HOXB4: variants seen among roughly 807,000 people sequenced by gnomAD.
HOXB4 encodes the protein homeobox protein Hox-B4.
In HOXB4, 13 loss-of-function variants were observed where a neutral mutation model predicts 20.0. That is an observed-to-expected ratio of 0.65 (90% CI 0.42 to 1.03). The LOEUF is 1.03. Ranked by LOEUF, HOXB4 falls within the 50% of genes least tolerant of loss-of-function variation. The probability of loss-of-function intolerance (pLI) is 0.00; values close to 1 mark genes in which losing one functional copy is unlikely to be tolerated. For missense variants in HOXB4, 343 were observed against 357.1 expected (o/e 0.96, Z 0.32); for synonymous variants, 173 against 148.9 (o/e 1.16, Z -1.18).
At chr17:48,577,041 G>C (rs1231747454) in intron 1 of HOXB4, 21 bp from the exon 2 acceptor site, 1 of 1,545,952 alleles carries the variant, frequency 6.5e-7, no homozygotes, top group East Asian at 2.3e-5. Context: ...ACGGAGAGAG[G>C]GAGAAAGAGA....
At chr17:48,577,042 G>A (rs764016180) in intron 1 of HOXB4, 22 bp from the exon 2 acceptor site, 1 of 1,542,698 alleles carries the variant, frequency 6.5e-7, no homozygotes, top group South Asian at 1.2e-5. Context: ...CGGAGAGAGG[G>A]AGAAAGAGAA....
rs2069762697 is a variant in HOXB4, at chr17:48,576,395, C to T, written c.*327G>A. ...GATCCATCTTCGCCAAAGCTGAAAA[C>T]GAGGAGCTGCAGCCTCCTCCTATTT... On this transcript the variant is annotated 3_prime_UTR_variant, in exon 2 of 2. Coordinates refer to ENST00000332503, the MANE Select transcript of HOXB4 (RefSeq NM_024015.5). 4 of 230,920 alleles carry T rather than the reference C, an allele frequency of 1.7e-5. No individual in the cohort carries two copies. The highest frequency in any genetic ancestry group is 1.6e-4 in the Admixed American group (3 of 18,346). 14.3% of individuals were successfully genotyped at this position (230,920 alleles called of 1,614,324 possible).
intron 1 of HOXB4, among the ~76,000 whole-genome samples, chr17:48,577,398 T>G (rs2069802129): frequency 6.6e-6 from 1 of 152,234 alleles, no homozygotes; most frequent in Non-Finnish European, 1.5e-5. Context: ...CCACCCTTGC[T>G]GCTCAGATTC....
rs188952344 is a variant in HOXB4 at position 48,576,950 on chromosome 17, C to A, written c.528G>T (p.Glu176Asp). The A allele has an allele frequency of 6.2e-7, 1 of 1,614,152 alleles. No individual in the cohort carries two copies. The highest frequency in any genetic ancestry group is 8.5e-7 in the Non-Finnish European group (1 of 1,179,974). ...RTAYTRQQVLELEKEFHYNRY... is the reference protein window; with the variant it reads ...RTAYTRQQVLDLEKEFHYNRY... ...GGTTGTAGTGAAATTCCTTCTCCAG[C>A]TCCAAGACCTGCTGGCGCGTGTAGG... Residue 176 changes from glutamate to aspartate, a missense_variant, in exon 2 of 2, where the codon GAG (glutamate) becomes GAT (aspartate). By Grantham distance (45) the Glu-to-Asp change is conservative. This residue lies in a region of HOXB4 where 54 missense variants were observed against 90.3 expected (regional missense o/e 0.60). Coordinates refer to ENST00000332503, the MANE Select transcript of HOXB4 (RefSeq NM_024015.5).
Position 48,577,975 on chromosome 17 carries a change from G to C in HOXB4, c.345C>G (p.Ser115Arg), listed in dbSNP as rs2069822425. Residue 115 changes from serine to arginine, a missense_variant, in exon 1 of 2, where the codon AGC (serine) becomes AGG (arginine). By Grantham distance (110) the Ser-to-Arg change is moderately radical. This residue lies in a region of HOXB4 where 241 missense variants were observed against 222.0 expected (regional missense o/e 1.09). Coordinates refer to ENST00000332503, the MANE Select transcript of HOXB4 (RefSeq NM_024015.5). ...GGGCGCAGGGAGGCGGCGGGGGGCTGCTGCTGACCGCCTCGCAGCGCTGGC... is the reference window on the plus strand; with the variant it reads ...GGGCGCAGGGAGGCGGCGGGGGGCTCCTGCTGACCGCCTCGCAGCGCTGGC... ...EPGQRCEAVSSSPPPPPCAQN... is the reference protein window; with the variant it reads ...EPGQRCEAVSRSPPPPPCAQN... The C allele has an allele frequency of 8.4e-6, 11 of 1,309,848 alleles. No homozygotes were observed. The highest frequency in any genetic ancestry group is 1.1e-5 in the Non-Finnish European group (11 of 1,025,344). 81.1% of individuals were successfully genotyped at this position (1,309,848 alleles called of 1,614,324 possible). A position where few individuals can be genotyped will look rare whatever the true frequency, so the allele number is the denominator to read the frequency against.
chr17:48,577,928 G>A lies in HOXB4; in HGVS notation c.392C>T (p.Pro131Leu), dbSNP rs138158637. 2.6e-4 allele frequency: 350 copies of A among 1,364,392 alleles called. 1 individual carries two copies. The Middle Eastern group carries it at 4.7e-3, about 18-fold the overall frequency. The allele number at this position is 1,364,392 out of a possible 1,614,324, so 84.5% of individuals were successfully genotyped here. The change falls in exon 1 of 2, where the codon CCG (proline) becomes CTG (leucine). Residue 131 changes from proline (P) to leucine (L), a missense_variant. Coordinates refer to ENST00000332503, the MANE Select transcript of HOXB4 (RefSeq NM_024015.5). Reference sequence around the variant, plus strand: ...GGGCTCTTTGCACGCGGAGTGGGACGGGCTGGGGTGCAGGGGGTTCTGGGC... The same window carrying A: ...GGGCTCTTTGCACGCGGAGTGGGACAGGCTGGGGTGCAGGGGGTTCTGGGC... ...PCAQNPLHPS[P>L]SHSACKEPVV...
Position 48,577,946 on chromosome 17 carries a change from T to G in HOXB4, c.374A>C (p.Asn125Thr). The G allele has an allele frequency of 7.5e-7, 1 of 1,327,894 alleles. No homozygotes were observed. Among genetic ancestry groups the G allele is most frequent in the Non-Finnish European group, 9.7e-7 (1 of 1,032,812 alleles). 82.3% of individuals were successfully genotyped at this position (1,327,894 alleles called of 1,614,324 possible). The change falls in exon 1 of 2, where the codon AAC (asparagine) becomes ACC (threonine). Residue 125 changes from asparagine to threonine, a missense_variant. Transcript: ENST00000332503. ...SSPPPPPCAQ[N>T]PLHPSPSHSA... The stretch of plus-strand genomic sequence containing the variant: ...GTGGGACGGGCTGGGGTGCAGGGGG[T>G]TCTGGGCGCAGGGAGGCGGCGGGGG...
At chr17:48,577,311 TG>T (rs1297029953) in intron 1 of HOXB4, among the ~76,000 whole-genome samples, 1 of 152,056 alleles carries the variant, frequency 6.6e-6, no homozygotes, top group African/African-American at 2.4e-5. Context: ...CCCCTCAGCT[TG>T]GGGCCCCCAG....
At chr17:48,577,082 T>C (rs1227521572) in intron 1 of HOXB4, 62 bp from the exon 2 acceptor site, 14 of 1,469,524 alleles carry the variant, frequency 9.5e-6, no homozygotes, top group Admixed American at 6.5e-5. Flanking sequence ...GAGAGAGTCC[T>C]TTCTTCCAGG....
Position 48,576,577 on chromosome 17 carries a change from G to C in HOXB4, c.*145C>G. On this transcript the variant is annotated 3_prime_UTR_variant, in exon 2 of 2. Transcript: ENST00000332503. ...AAAGCTTCCCCTCCCCCTCTTCTGC[G>C]TTTATTCGTATATAAAGTGTGGGGG... The C allele has an allele frequency of 1.6e-6, 1 of 640,446 alleles. No homozygotes were observed. The allele number at this position is 640,446 out of a possible 1,614,324, so 39.7% of individuals were successfully genotyped here. A position where few individuals can be genotyped will look rare whatever the true frequency, so the allele number is the denominator to read the frequency against.
rs188347411 is a variant in HOXB4 at position 48,577,782 on chromosome 17, C to A, written c.457+81G>T. On this transcript the variant is annotated intron_variant, in intron 1 of 1. Coordinates refer to ENST00000332503, the MANE Select transcript of HOXB4 (RefSeq NM_024015.5). ...GGACAATTGGCTTCCCCAGCTCAAC[C>A]CCCCCCCAACCCATGCCTCCGAAGT... 5,592 of 1,227,964 alleles carry A rather than the reference C, an allele frequency of 4.6e-3. 178 individuals are homozygous for A. In the African/African-American group the frequency reaches 0.071, roughly 16 times the overall value. 76.1% of individuals were successfully genotyped at this position (1,227,964 alleles called of 1,614,324 possible).
In HOXB4 at chr17:48,578,245, C is replaced by T. The variant is rs766871090; in HGVS notation, c.75G>A (p.Gln25=). The T allele has an allele frequency of 2.5e-5, 40 of 1,613,936 alleles. No homozygotes were observed. Among genetic ancestry groups the T allele is most frequent in the Non-Finnish European group, 3.2e-5 (38 of 1,179,960 alleles). The part of the protein sequence containing the change: ...PKFPPCEEYS[Q]SDYLPSDHSP... ...AGTGGTCGCTGGGTAGGTAATCGCT[C>T]TGTGAATATTCCTCGCATGGAGGGA... is the stretch of plus-strand genomic sequence containing the variant. The change falls in exon 1 of 2, where the codon CAG becomes CAA. Residue 25 remains glutamine, a synonymous_variant. Coordinates refer to ENST00000332503, the MANE Select transcript of HOXB4 (RefSeq NM_024015.5).
rs1158698189 is a variant in HOXB4 at position 48,576,903 on chromosome 17, C to G, written c.575G>C (p.Arg192Thr). Reference sequence around the variant, plus strand: ...GCAGAGCGCGTGGGCGATCTCCACCCTCCGGCGCCGTGTCAGGTAGCGGTT... The same window carrying G: ...GCAGAGCGCGTGGGCGATCTCCACCGTCCGGCGCCGTGTCAGGTAGCGGTT... ...HYNRYLTRRRRVEIAHALCLS... is the reference protein window; with the variant it reads ...HYNRYLTRRRTVEIAHALCLS... The change falls in exon 2 of 2, where the codon AGG becomes ACG. Residue 192 changes from arginine to threonine, a missense_variant. This residue lies in a region of HOXB4 where 54 missense variants were observed against 90.3 expected (regional missense o/e 0.60). Coordinates refer to ENST00000332503, the MANE Select transcript of HOXB4 (RefSeq NM_024015.5). 1 of 1,614,266 alleles carries G rather than the reference C, an allele frequency of 6.2e-7. No individual in the cohort carries two copies. The highest frequency in any genetic ancestry group is 8.5e-7 in the Non-Finnish European group (1 of 1,180,046).
In HOXB4 at chr17:48,578,250, A is replaced by G; in HGVS notation, c.70T>C (p.Ser24Pro). 2 of 1,614,062 alleles carry G rather than the reference A, an allele frequency of 1.2e-6. No individual in the cohort carries two copies. Among genetic ancestry groups the G allele is most frequent in the Non-Finnish European group, 1.7e-6 (2 of 1,179,940 alleles). The change falls in exon 1 of 2, where the codon TCA becomes CCA. Residue 24 changes from serine (S) to proline (P), a missense_variant. Ser to Pro is a moderately conservative substitution (Grantham distance 74). This residue lies in a region of HOXB4 where 241 missense variants were observed against 222.0 expected (regional missense o/e 1.09). Coordinates refer to ENST00000332503, the MANE Select transcript of HOXB4 (RefSeq NM_024015.5). The part of the protein sequence containing the change: ...DPKFPPCEEY[S>P]QSDYLPSDHS... Reference sequence around the variant, plus strand: ...TCGCTGGGTAGGTAATCGCTCTGTGAATATTCCTCGCATGGAGGGAACTTG... The same window carrying G: ...TCGCTGGGTAGGTAATCGCTCTGTGGATATTCCTCGCATGGAGGGAACTTG...
rs2069783991 is a variant in HOXB4 at position 48,576,947 on chromosome 17, C to G, written c.531G>C (p.Leu177=). 6.2e-7 allele frequency: 1 copy of G among 1,614,074 alleles called. No homozygotes were observed. Among genetic ancestry groups the G allele is most frequent in the Non-Finnish European group, 8.5e-7 (1 of 1,180,016 alleles). Residue 177 remains leucine (L), a synonymous_variant, in exon 2 of 2, where the codon CTG becomes CTC. Transcript: ENST00000332503. ...TAYTRQQVLE[L]EKEFHYNRYL... is the part of the protein sequence containing the mutation. ...AGCGGTTGTAGTGAAATTCCTTCTC[C>G]AGCTCCAAGACCTGCTGGCGCGTGT...
chr17:48,576,650 T>TGCCCCCCCCCCCCA lies in HOXB4; in HGVS notation c.*71_*72insTGGGGGGGGGGGGC. 3.5e-6 allele frequency: 2 copies of TGCCCCCCCCCCCCA among 567,768 alleles called. No homozygotes were observed. The highest frequency in any genetic ancestry group is 2.0e-5 in the African/African-American group (1 of 50,958). The allele number at this position is 567,768 out of a possible 1,614,324, so 35.2% of individuals were successfully genotyped here. Reference sequence around the variant, plus strand: ...GCCCAGGCCCCAGGGCCCCCTCCTGTCCCCCCACCCCATCCCCTGCACTCA... The same window carrying TGCCCCCCCCCCCCA: ...GCCCAGGCCCCAGGGCCCCCTCCTGTGCCCCCCCCCCCCACCCCCCACCCCATCCCCTGCACTCA... On this transcript the variant is annotated 3_prime_UTR_variant, in exon 2 of 2. Coordinates refer to ENST00000332503, the MANE Select transcript of HOXB4 (RefSeq NM_024015.5).
Position 48,578,072 on chromosome 17 carries a change from G to A in HOXB4, c.248C>T (p.Pro83Leu). ...AGGGGACAGACCGGGCGGTGGCGGGGGCGGCGGGGGTGGTGGCGGAGGCGG... is the reference window on the plus strand; with the variant it reads ...AGGGGACAGACCGGGCGGTGGCGGGAGCGGCGGGGGTGGTGGCGGAGGCGG... ...PPPPPPPPPP[P>L]PPPPGLSPRA... Residue 83 changes from proline to leucine, a missense_variant, in exon 1 of 2, where the codon CCC becomes CTC. Transcript: ENST00000332503. 9.2e-7 allele frequency: 1 copy of A among 1,088,648 alleles called. No homozygotes were observed. The highest frequency in any genetic ancestry group is 1.7e-5 in the African/African-American group (1 of 60,494). The allele number at this position is 1,088,648 out of a possible 1,614,324, so 67.4% of individuals were successfully genotyped here.
chr17:48,576,515 G>GA lies in HOXB4; in HGVS notation c.*206_*207insT. On this transcript the variant is annotated 3_prime_UTR_variant, in exon 2 of 2. Coordinates refer to ENST00000332503, the MANE Select transcript of HOXB4 (RefSeq NM_024015.5). The stretch of plus-strand genomic sequence containing the variant: ...GAGATTTGAATCTTGCTTCTGGGGG[G>GA]GCCTCCCCGTGGCCCTCTATTGTCA... 2.5e-6 allele frequency: 1 copy of GA among 406,488 alleles called. No homozygotes were observed. The highest frequency in any genetic ancestry group is 4.3e-6 in the Non-Finnish European group (1 of 232,200). 25.2% of individuals were successfully genotyped at this position (406,488 alleles called of 1,614,324 possible).
Position 48,578,065 on chromosome 17 carries a change from TGGCGGGGGC to T in HOXB4, c.246_254del (p.Pro85_Pro87del), listed in dbSNP as rs1268987221. ...GAGCCCGAGGGGACAGACCGGGCGG[TGGCGGGGGC>T]GGCGGGGGTGGTGGCGGAGGCGGCG... On this transcript the variant is annotated inframe_deletion, in exon 1 of 2. Transcript: ENST00000332503. 6.2e-6 allele frequency: 1 copy of T among 161,490 alleles called. No individual in the cohort carries two copies. The highest frequency in any genetic ancestry group is 4.1e-4 in the East Asian group (1 of 2,456). 10.0% of individuals were successfully genotyped at this position (161,490 alleles called of 1,614,324 possible).
Sources: allele counts gnomAD v4.1 joint callset (sites outside exome capture counted in the v4.1 genomes callset), GRCh38; gene constraint gnomAD v4.1.1; regional missense constraint gnomAD v4.1.1; transcripts MANE v1.5; gene names NCBI Gene and HGNC (gene_info 2026-07-23, HGNC 2026-07-21).